CDK14: variants seen among roughly 807,000 people sequenced by gnomAD.
The protein encoded by CDK14 is cyclin dependent kinase 14.
In CDK14, 34 loss-of-function variants were observed where a neutral mutation model predicts 60.7. That is an observed-to-expected ratio of 0.56 (90% CI 0.43 to 0.75). The LOEUF (loss-of-function observed/expected upper bound fraction) is 0.75, where lower values mean the gene tolerates loss of function less well. Ranked by LOEUF, CDK14 falls within the 30% of genes least tolerant of loss-of-function variation. CDK14 has a pLI of 0.00. For missense variants in CDK14, 482 were observed against 564.1 expected, an observed-to-expected ratio of 0.85 and a Z score of 1.47; for synonymous variants, 197 against 203.7, an observed-to-expected ratio of 0.97 and a Z score of 0.28.
chr7:91,102,112 C>G (rs1307976804), intron 12 of CDK14, among the ~76,000 whole-genome samples: 1 of 152,108 alleles, frequency 6.6e-6, no homozygotes, highest in African/African-American at 2.4e-5. Flanking sequence ...AATTCAGTGG[C>G]CAGCACCCGC....
chr7:91,192,628 T>C (rs965190532), intron 14 of CDK14, among the ~76,000 whole-genome samples: 1 of 152,176 alleles, frequency 6.6e-6, no homozygotes, highest in African/African-American at 2.4e-5. Context: ...GGCAAAGCCG[T>C]GAGAAGCTCT....
chr7:91,140,183 GGA>G (rs1217145555), intron 14 of CDK14, among the ~76,000 whole-genome samples: 1 of 152,134 alleles, frequency 6.6e-6, no homozygotes, highest in East Asian at 1.9e-4. Flanking sequence ...CGAGGATCAT[GGA>G]GAGAGACAAT....
chr7:91,171,091 T>C (rs1267671495), intron 14 of CDK14, among the ~76,000 whole-genome samples: 2 of 152,146 alleles, frequency 1.3e-5, no homozygotes, highest in Non-Finnish European at 2.9e-5. Flanking sequence ...GGCTCACACC[T>C]GTAATCCCAG....
chr7:90,644,175 T>A (rs967848267), intron 2 of CDK14, among the ~76,000 whole-genome samples: 1 of 152,230 alleles, frequency 6.6e-6, no homozygotes, highest in Non-Finnish European at 1.5e-5. Flanking sequence ...AACCAAACCC[T>A]GCTGGACCTT....
At chr7:90,667,026 C>T (rs1800994751) in intron 2 of CDK14, among the ~76,000 whole-genome samples, 1 of 152,074 alleles carries the variant, frequency 6.6e-6, no homozygotes, top group Non-Finnish European at 1.5e-5. Flanking sequence ...TCTTGCTGAA[C>T]TATTTTATTT....
intron 3 of CDK14, among the ~76,000 whole-genome samples, chr7:90,729,332 G>A (rs182133336): frequency 1.0e-3 from 115 of 111,390 alleles, no homozygotes; most frequent in Non-Finnish European, 1.9e-3. Context: ...CTTGGATCAT[G>A]TAGGTATCAA....
chr7:90,916,561 T>C (rs935634974), intron 7 of CDK14, among the ~76,000 whole-genome samples: 4 of 152,226 alleles, frequency 2.6e-5, no homozygotes, highest in Non-Finnish European at 4.4e-5. Context: ...GCCAATCTTT[T>C]CGATTCAAGT....
intron 5 of CDK14, among the ~76,000 whole-genome samples, chr7:90,850,319 G>A (rs918558178): frequency 6.6e-5 from 10 of 152,132 alleles, no homozygotes; most frequent in African/African-American, 1.9e-4. Flanking sequence ...TCATGCATGC[G>A]TTATTCAATC....
intron 1 of CDK14, among the ~76,000 whole-genome samples, chr7:90,598,703 G>GTTTTTTT (rs1563010964): frequency 1.6e-4 from 3 of 18,622 alleles, no homozygotes; most frequent in African/African-American, 2.2e-4. Context: ...ATTATCTAAG[G>GTTTTTTT]ATTTTTTTTT....
At chr7:90,917,007 C>G (rs1036599019) in intron 7 of CDK14, among the ~76,000 whole-genome samples, 1 of 152,272 alleles carries the variant, frequency 6.6e-6, no homozygotes. Flanking sequence ...CTTTAAGCAG[C>G]AGCCTAATCT....
chr7:90,723,277 A>G (rs1802519235), intron 2 of CDK14, among the ~76,000 whole-genome samples: 1 of 152,226 alleles, frequency 6.6e-6, no homozygotes, highest in Non-Finnish European at 1.5e-5. Flanking sequence ...TCTTAAAACA[A>G]CATACATTTT....
intron 10 of CDK14, among the ~76,000 whole-genome samples, chr7:91,040,313 G>A (rs1033363669): frequency 6.6e-6 from 1 of 152,052 alleles, no homozygotes; most frequent in African/African-American, 2.4e-5. Flanking sequence ...TGGCTCTTCT[G>A]GGAACTTCAT....
chr7:90,610,472 T>C (rs1799518025), intron 2 of CDK14, among the ~76,000 whole-genome samples: 1 of 152,178 alleles, frequency 6.6e-6, no homozygotes, highest in Admixed American at 6.5e-5. Flanking sequence ...CCTCCACCCT[T>C]TCTTCTTTTA....
At chr7:90,744,155 C>A (rs535678331) in intron 3 of CDK14, among the ~76,000 whole-genome samples, 1 of 152,160 alleles carries the variant, frequency 6.6e-6, no homozygotes, top group South Asian at 2.1e-4. Flanking sequence ...GAGGACCCTG[C>A]GGCCTTCCGC....
intron 5 of CDK14, among the ~76,000 whole-genome samples, chr7:90,813,730 C>G (rs1789233599): frequency 6.6e-6 from 1 of 150,524 alleles, no homozygotes; most frequent in Non-Finnish European, 1.5e-5. Context: ...GCCTGGGCAA[C>G]AAAGCGAGAC....
At chr7:90,856,396 T>G (rs929725136) in intron 5 of CDK14, among the ~76,000 whole-genome samples, 4 of 152,188 alleles carry the variant, frequency 2.6e-5, no homozygotes, top group African/African-American at 9.7e-5. Context: ...TTCATTAGTT[T>G]ATGGTTCTGT....
At chr7:91,136,266 C>T (rs149227797) in intron 14 of CDK14, among the ~76,000 whole-genome samples, 150 of 152,174 alleles carry the variant, frequency 9.9e-4, no homozygotes, top group Admixed American at 2.8e-3. Flanking sequence ...TGTGGTATAC[C>T]ATGGTCTACT....
intron 9 of CDK14, among the ~76,000 whole-genome samples, chr7:90,981,803 G>GAAACAAAACAAAACAAAACAAAACA (rs3840668): frequency 0.097 from 14,395 of 148,448 alleles, 1,136 homozygotes; most frequent in East Asian, 0.39. Flanking sequence ...GAGAGTTCTA[G>GAAACAAAACAAAACAAAACAAAACA]AAACAAAACA....
At chr7:90,811,878 A>T (rs1052231023) in intron 5 of CDK14, among the ~76,000 whole-genome samples, 1 of 152,258 alleles carries the variant, frequency 6.6e-6, no homozygotes, top group Non-Finnish European at 1.5e-5. Flanking sequence ...GCTCATCATC[A>T]CTGGCCATCA....
Sources: gnomAD v4.1 joint callset for allele counts (sites outside exome capture counted in the v4.1 genomes callset) on GRCh38, gnomAD v4.1.1 for gene constraint, MANE v1.5 for transcripts, NCBI Gene and HGNC (gene_info 2026-07-23, HGNC 2026-07-21) for gene names.